KCTD16: variants seen among roughly 807,000 people sequenced by gnomAD.
KCTD16 encodes the protein BTB/POZ domain-containing protein KCTD16.
In KCTD16, 13 loss-of-function variants were observed where a neutral mutation model predicts 33.2. That is an observed-to-expected ratio of 0.39 (90% confidence interval 0.25 to 0.62). The LOEUF is 0.62. Among genes scored for constraint, KCTD16 ranks in the 20% least tolerant of loss-of-function variants. The pLI is 0.50. For missense variants in KCTD16, 441 were observed against 525.1 expected, an observed-to-expected ratio of 0.84 and a Z score of 1.57; for synonymous variants, 197 against 195.3, an observed-to-expected ratio of 1.01 and a Z score of -0.07.
chr5:144,383,241 G>A (rs1050271717), intron 3 of KCTD16: 2 of 152,164 alleles, frequency 1.3e-5, no homozygotes, highest in Admixed American at 6.5e-5. Context: ...GCTGTAAACT[G>A]TACTTACTGG....
chr5:144,282,390 C>G (rs1255369495), intron 3 of KCTD16, among the ~76,000 whole-genome samples: 3 of 151,960 alleles, frequency 2.0e-5, no homozygotes, highest in African/African-American at 7.3e-5. Context: ...GGCTGTTTAT[C>G]TACATTCTTT....
intron 2 of KCTD16, among the ~76,000 whole-genome samples, chr5:144,175,725 G>A (rs1342525455): frequency 1.3e-5 from 2 of 152,176 alleles, no homozygotes; most frequent in African/African-American, 4.8e-5. Context: ...TTTCTCATCT[G>A]TAAAAGCAAG....
rs568677176 is a variant in KCTD16, at chr5:144,258,280, A to G, written c.832+50734A>G. Among the ~76,000 whole-genome samples the G allele has an allele frequency of 1.9e-3, 285 of 151,994 alleles. 4 individuals are homozygous for G. The highest frequency in any genetic ancestry group is 0.012 in the South Asian group (57 of 4,822). On this transcript the variant is annotated intron_variant, in intron 3 of 3. Transcript: ENST00000512467. ...AGATTATTACACTATATATTATTCT[A>G]CTACATATTATTATTACTAGATAAT...
intron 3 of KCTD16, among the ~76,000 whole-genome samples, chr5:144,250,989 G>T (rs1159313999): frequency 6.6e-6 from 1 of 152,042 alleles, no homozygotes; most frequent in Non-Finnish European, 1.5e-5. Flanking sequence ...CTAGTCTCCT[G>T]CTCTCGATAA....
At chr5:144,366,786 T>A (rs141732146) in intron 3 of KCTD16, among the ~76,000 whole-genome samples, 1 of 152,276 alleles carries the variant, frequency 6.6e-6, no homozygotes, top group East Asian at 1.9e-4. Flanking sequence ...CAAAGGCTAC[T>A]CAACAAAAGT....
chr5:144,225,016 A>G (rs565324919), intron 3 of KCTD16, among the ~76,000 whole-genome samples: 49 of 152,314 alleles, frequency 3.2e-4, no homozygotes, highest in African/African-American at 1.0e-3. Flanking sequence ...GGATAGACCA[A>G]TGAAGCAGAA....
At chr5:144,185,906 A>G (rs1172884127) in intron 2 of KCTD16, among the ~76,000 whole-genome samples, 1 of 152,160 alleles carries the variant, frequency 6.6e-6, no homozygotes, top group Non-Finnish European at 1.5e-5. Context: ...GAACTCTCTA[A>G]GTCAAGTGCT....
intron 3 of KCTD16, among the ~76,000 whole-genome samples, chr5:144,408,236 C>G (rs1213348623): frequency 6.6e-6 from 1 of 152,158 alleles, no homozygotes; most frequent in Non-Finnish European, 1.5e-5. Flanking sequence ...GAAAAAAGCA[C>G]AAAGCCAGGA....
chr5:144,349,922 C>T (rs972055116), intron 3 of KCTD16, among the ~76,000 whole-genome samples: 1 of 152,192 alleles, frequency 6.6e-6, no homozygotes, highest in Non-Finnish European at 1.5e-5. Context: ...CACACAGCTG[C>T]CAATCCCTTC....
At chr5:144,378,044 A>G (rs527568197) in intron 3 of KCTD16, among the ~76,000 whole-genome samples, 1 of 152,370 alleles carries the variant, frequency 6.6e-6, no homozygotes, top group South Asian at 2.1e-4. Context: ...TAATTATAAG[A>G]AAACAAAGGA....
At chr5:144,351,434 C>T (rs1046555486) in intron 3 of KCTD16, among the ~76,000 whole-genome samples, 2 of 151,992 alleles carry the variant, frequency 1.3e-5, no homozygotes, top group African/African-American at 4.8e-5. Context: ...AAAAGGAAAC[C>T]CTTGCACACT....
chr5:144,316,508 C>CTTTTT lies in KCTD16; in HGVS notation c.832+108977_832+108981dup, dbSNP rs398050808. Among the ~76,000 whole-genome samples, 19 of 119,936 alleles carry CTTTTT rather than the reference C, an allele frequency of 1.6e-4. No homozygotes were observed. The East Asian group carries it at 3.1e-3, about 19-fold the overall frequency. The allele number at this position is 119,936 out of a possible 152,430, so 78.7% of individuals were successfully genotyped here. A position where few individuals can be genotyped will look rare whatever the true frequency, so the allele number is the denominator to read the frequency against. On this transcript the variant is annotated intron_variant, in intron 3 of 3. Transcript: ENST00000512467. ...CCATCTTCCCATTTTTGTTTTTTGT[C>CTTTTT]TTTTTTTTTTTTTTTTTTTGAGACG...
rs975297712 is a variant in KCTD16, at chr5:144,182,085, C to T, written c.-327+7613C>T. 5.0e-5 allele frequency among the ~76,000 whole-genome samples: 6 copies of T among 119,428 alleles called. No individual in the cohort carries two copies. In the South Asian group the frequency reaches 1.6e-3, roughly 32 times the overall value. 78.3% of individuals were successfully genotyped at this position (119,428 alleles called of 152,430 possible). ...GGGCAACAAAAGTGAAACTCCATCT[C>T]AAAAAAAAAAAAAAAAGTTATCAGG... is the stretch of plus-strand genomic sequence containing the variant. On this transcript the variant is annotated intron_variant, in intron 2 of 3. Transcript: ENST00000512467.
intron 3 of KCTD16, among the ~76,000 whole-genome samples, chr5:144,399,038 G>A (rs1752642716): frequency 6.6e-6 from 1 of 152,118 alleles, no homozygotes; most frequent in African/African-American, 2.4e-5. Flanking sequence ...CTAATACAGA[G>A]GAGCAATACA....
intron 3 of KCTD16, among the ~76,000 whole-genome samples, chr5:144,438,705 T>C (rs1320639236): frequency 1.3e-5 from 2 of 152,220 alleles, no homozygotes; most frequent in Non-Finnish European, 2.9e-5. Context: ...TTGAAGCCTA[T>C]GGACTGAGAA....
intron 2 of KCTD16, chr5:144,205,760 A>G (rs1047445271): frequency 1.5e-5 from 6 of 394,514 alleles, no homozygotes; most frequent in Non-Finnish European, 2.7e-5. Flanking sequence ...TCCTCTCATC[A>G]GGGCTTAACT....
intron 3 of KCTD16, among the ~76,000 whole-genome samples, chr5:144,271,167 A>T (rs1755282397): frequency 6.6e-6 from 1 of 152,056 alleles, no homozygotes; most frequent in Admixed American, 6.5e-5. Flanking sequence ...AACTAATTCT[A>T]TGAGGCCAGT....
intron 2 of KCTD16, among the ~76,000 whole-genome samples, chr5:144,191,840 A>C (rs924144253): frequency 2.7e-5 from 4 of 150,344 alleles, no homozygotes; most frequent in African/African-American, 9.8e-5. Context: ...TTTTTTCAGC[A>C]GTACAAATAA....
chr5:144,449,387 G>C (rs1423386563), intron 3 of KCTD16, among the ~76,000 whole-genome samples: 1 of 151,590 alleles, frequency 6.6e-6, no homozygotes, highest in Non-Finnish European at 1.5e-5. Context: ...TTTTATAAAA[G>C]TAGAAAAAAA....
Sources: allele counts gnomAD v4.1 joint callset (sites outside exome capture counted in the v4.1 genomes callset), GRCh38; gene constraint gnomAD v4.1.1; transcripts MANE v1.5; gene names NCBI Gene and HGNC (gene_info 2026-07-23, HGNC 2026-07-21).